Variants in MYH11 observed in about 807,000 individuals in gnomAD.
The protein encoded by MYH11 is myosin-11.
Under a neutral mutation model 246.6 loss-of-function variants are expected in MYH11, and 80 were observed. That is an observed-to-expected ratio of 0.32 (90% CI 0.27 to 0.39). The LOEUF (loss-of-function observed/expected upper bound fraction) is 0.39. Ranked by LOEUF, MYH11 falls within the 10% of genes least tolerant of loss-of-function variation. The probability of loss-of-function intolerance (pLI) is 1.00; values close to 1 mark genes in which losing one functional copy is unlikely to be tolerated. For synonymous variants in MYH11, 1,071 were observed against 1,015.5 expected (o/e 1.05, Z -1.04); for missense variants, 2,158 against 2,546.8 (o/e 0.85, Z 3.29).
chr16:15,801,678 T>C (rs1223647436), intron 3 of MYH11, among the ~76,000 whole-genome samples: 1 of 145,378 alleles, frequency 6.9e-6, no homozygotes, highest in Non-Finnish European at 1.5e-5. Flanking sequence ...AGACCTGGGA[T>C]GGGTGCGGTG....
chr16:15,854,559 G>A (rs1253360400), intron 1 of MYH11, among the ~76,000 whole-genome samples: 1 of 152,118 alleles, frequency 6.6e-6, no homozygotes, highest in African/African-American at 2.4e-5. Context: ...TGTCCACAAA[G>A]CGTTTAGCAT....
chr16:15,775,634 T>G (rs2042205300), intron 8 of MYH11, among the ~76,000 whole-genome samples: 1 of 152,254 alleles, frequency 6.6e-6, no homozygotes, highest in African/African-American at 2.4e-5. Flanking sequence ...ACAAAGTCAC[T>G]GGCAAAACAT....
At chr16:15,820,807 A>G (rs2043390568) in intron 3 of MYH11, among the ~76,000 whole-genome samples, 2 of 152,224 alleles carry the variant, frequency 1.3e-5, no homozygotes, top group Non-Finnish European at 2.9e-5. Flanking sequence ...CCTACTTGTA[A>G]TTAAAATAAA....
rs770713830 is a variant in MYH11 at position 15,703,938 on chromosome 16, G to T, written c.*53C>A. On this transcript the variant is annotated 3_prime_UTR_variant, in exon 41 of 41. Coordinates refer to ENST00000300036, the MANE Select transcript of MYH11 (RefSeq NM_002474.3). ...GGTTGTTGTTGGGTTTTTTTTGTTT[G>T]TTTGTTTTGGTTTTTGGTTTTCTTG... 6.2e-7 allele frequency: 1 copy of T among 1,612,398 alleles called. No individual in the cohort carries two copies. Among genetic ancestry groups the T allele is most frequent in the East Asian group, 2.2e-5 (1 of 44,836 alleles).
chr16:15,748,501 C>T (rs1019395788), intron 16 of MYH11, among the ~76,000 whole-genome samples: 5 of 152,188 alleles, frequency 3.3e-5, no homozygotes, highest in Admixed American at 6.5e-5. Flanking sequence ...AAATATCTCC[C>T]AACCCCCCCA....
At chr16:15,797,058 C>G (rs1227694479) in intron 4 of MYH11, among the ~76,000 whole-genome samples, 3 of 152,184 alleles carry the variant, frequency 2.0e-5, no homozygotes, top group African/African-American at 4.8e-5. Flanking sequence ...GATAAATACT[C>G]CAAACTTGCA....
intron 37 of MYH11, 129 bp downstream of exon 37, chr16:15,718,186 C>T: frequency 1.4e-6 from 2 of 1,476,576 alleles, no homozygotes; most frequent in Non-Finnish European, 1.9e-6. Context: ...CTCTCAGGCC[C>T]CACCACCCTC....
At chr16:15,757,502 AT>A in intron 13 of MYH11, among the ~76,000 whole-genome samples, 2 of 101,088 alleles carry the variant, frequency 2.0e-5, no homozygotes, top group African/African-American at 8.3e-5. Context: ...GAGTCAGACC[AT>A]GTCATAAAAA....
chr16:15,781,181 C>T (rs981192065), intron 6 of MYH11, among the ~76,000 whole-genome samples: 10 of 152,180 alleles, frequency 6.6e-5, no homozygotes, highest in South Asian at 2.1e-4. Flanking sequence ...ACTGGGACTA[C>T]GGGCATGAGC....
chr16:15,778,215 C>A (rs564139531), intron 7 of MYH11, among the ~76,000 whole-genome samples: 12 of 152,258 alleles, frequency 7.9e-5, no homozygotes, highest in African/African-American at 2.9e-4. Flanking sequence ...TTGTTCCTTG[C>A]GATACCAGCA....
In MYH11 at chr16:15,833,307, A is replaced by AAAAGAAAAAAGAAG. The variant is rs941780602; in HGVS notation, c.345+4587_345+4600dup. Among the ~76,000 whole-genome samples the AAAAGAAAAAAGAAG allele has an allele frequency of 2.6e-5, 4 of 151,882 alleles. No individual in the cohort carries two copies. The South Asian group carries it at 8.4e-4, about 32-fold the overall frequency. ...GTAAGACCCCATCTCAAAAGAAAGA[A>AAAAGAAAAAAGAAG]AAAGAAAAAAGAAGAAAGAAAAAAG... is the stretch of plus-strand genomic sequence containing the variant. On this transcript the variant is annotated intron_variant, in intron 2 of 40. Transcript: ENST00000300036.
At chr16:15,739,560 G>A (rs971380798) in intron 23 of MYH11, among the ~76,000 whole-genome samples, 1 of 152,176 alleles carries the variant, frequency 6.6e-6, no homozygotes, top group African/African-American at 2.4e-5. Context: ...CTCACAGTAG[G>A]GGCCAAGCTG....
chr16:15,729,298 C>T (rs1037218247), intron 27 of MYH11, among the ~76,000 whole-genome samples: 2 of 152,120 alleles, frequency 1.3e-5, no homozygotes, highest in African/African-American at 4.8e-5. Flanking sequence ...CAGGTCTCTA[C>T]ATCAGAATTC....
intron 14 of MYH11, 96 bp downstream of exon 14, chr16:15,756,245 G>A (rs1343500382): frequency 7.1e-7 from 1 of 1,405,310 alleles, no homozygotes; most frequent in African/African-American, 1.4e-5. Context: ...GCAGTTTCCA[G>A]GCAGCCCAAG....
chr16:15,742,441 A>G (rs1401934671), intron 20 of MYH11, among the ~76,000 whole-genome samples: 1 of 152,166 alleles, frequency 6.6e-6, no homozygotes. Flanking sequence ...TGCTTTTATT[A>G]TTTAAAATTA....
intron 6 of MYH11, chr16:15,779,141 T>G (rs1028933310): frequency 2.0e-6 from 1 of 491,140 alleles, no homozygotes; most frequent in African/African-American, 1.9e-5. Context: ...ACTTATTTAT[T>G]TATTAGAGAC....
At chr16:15,704,429 C>T (rs1389689504) in intron 40 of MYH11, among the ~76,000 whole-genome samples, 1 of 152,014 alleles carries the variant, frequency 6.6e-6, no homozygotes, top group Admixed American at 6.6e-5. Context: ...ATTTGAGAAG[C>T]CACAGGATTC....
At chr16:15,781,612 T>C (rs1477266426) in intron 6 of MYH11, among the ~76,000 whole-genome samples, 1 of 152,208 alleles carries the variant, frequency 6.6e-6, no homozygotes, top group Non-Finnish European at 1.5e-5. Flanking sequence ...CTACCTATCA[T>C]CAACCATCCA....
intron 24 of MYH11, 41 bp from the exon 25 acceptor site, chr16:15,737,661 G>T: frequency 6.2e-7 from 1 of 1,604,596 alleles, no homozygotes. Flanking sequence ...GGAGGCCCCA[G>T]AGAGATGCCC....
Sources: allele counts gnomAD v4.1 joint callset (sites outside exome capture counted in the v4.1 genomes callset), GRCh38; gene constraint gnomAD v4.1.1; transcripts MANE v1.5; gene names NCBI Gene and HGNC (gene_info 2026-07-23, HGNC 2026-07-21).